Variants in ANKFN1 observed in about 807,000 individuals in gnomAD.
The protein encoded by ANKFN1 is ankyrin repeat and fibronectin type III domain containing 1, also known as ankyrin repeat and fibronectin type-III domain-containing protein 1.
Under a neutral mutation model 108.7 loss-of-function variants are expected in ANKFN1, and 74 were observed. That is an observed-to-expected ratio of 0.68 (90% CI 0.56 to 0.83). The LOEUF is 0.83. Ranked by LOEUF, ANKFN1 falls within the 40% of genes least tolerant of loss-of-function variation. ANKFN1 has a pLI of 0.00. For missense variants in ANKFN1, 1,505 were observed against 1,382.3 expected, an observed-to-expected ratio of 1.09 and a Z score of -1.41; for synonymous variants, 547 against 516.2, an observed-to-expected ratio of 1.06 and a Z score of -0.81.
intron 18 of ANKFN1, among the ~76,000 whole-genome samples, chr17:56,483,230 T>C (rs1423927905): frequency 1.3e-5 from 2 of 152,184 alleles, no homozygotes; most frequent in Non-Finnish European, 2.9e-5. Flanking sequence ...CCCACTGAGA[T>C]TGTGAATAGG....
chr17:56,227,625 A>T (rs1188938996), intron 2 of ANKFN1, among the ~76,000 whole-genome samples: 1 of 152,126 alleles, frequency 6.6e-6, no homozygotes, highest in Non-Finnish European at 1.5e-5. Context: ...TGTCTCCAAG[A>T]TTGGACCTGG....
At chr17:56,351,448 T>TA (rs11481772) in intron 5 of ANKFN1, among the ~76,000 whole-genome samples, 74,052 of 150,120 alleles carry the variant, frequency 0.49, 18,611 homozygotes, top group Middle Eastern at 0.58. Flanking sequence ...GGGAAAAATA[T>TA]AAAAAAAAAC....
At chr17:56,156,402 T>C (rs533308777) in intron 1 of ANKFN1, 2 of 152,296 alleles carry the variant, frequency 1.3e-5, no homozygotes, top group East Asian at 3.9e-4. Flanking sequence ...TCCTCACCTC[T>C]TAAAGAGGGA....
chr17:56,125,982 C>G (rs1202801519), intron 4 of ANKFN1, among the ~76,000 whole-genome samples: 2 of 152,176 alleles, frequency 1.3e-5, no homozygotes, highest in Non-Finnish European at 2.9e-5. Context: ...AAAAGAAATA[C>G]CGAGTCAAAT....
intron 8 of ANKFN1, among the ~76,000 whole-genome samples, chr17:56,427,161 C>T (rs540979514): frequency 2.6e-5 from 4 of 152,222 alleles, no homozygotes; most frequent in East Asian, 1.9e-4. Context: ...CCTGAGGAAC[C>T]GCTGCTACTT....
intron 1 of ANKFN1, among the ~76,000 whole-genome samples, chr17:56,164,354 G>A (rs755347848): frequency 2.0e-5 from 3 of 152,102 alleles, no homozygotes; most frequent in South Asian, 2.1e-4. Flanking sequence ...TCCTCAACAC[G>A]CCATAGTTCG....
At chr17:56,125,459 A>T (rs1242717821) in intron 4 of ANKFN1, among the ~76,000 whole-genome samples, 2 of 152,246 alleles carry the variant, frequency 1.3e-5, no homozygotes, top group East Asian at 3.8e-4. Context: ...AAGAAATGAG[A>T]TTGATCTCTC....
rs1474226231 is a variant in ANKFN1, at chr17:56,119,332, T to G, written c.288+73007T>G. 2.0e-5 allele frequency among the ~76,000 whole-genome samples: 3 copies of G among 152,082 alleles called. No individual in the cohort carries two copies. The East Asian group carries it at 5.8e-4, about 29-fold the overall frequency. On this transcript the variant is annotated intron_variant, in intron 4 of 12. Transcript: ENST00000635860. Reference sequence around the variant, plus strand: ...TCCTGAAGTCAGAAGAAAAGTGTATTTCCTGGAAAAGAGCCATCAACAGTT... The same window carrying G: ...TCCTGAAGTCAGAAGAAAAGTGTATGTCCTGGAAAAGAGCCATCAACAGTT...
At chr17:56,462,250 T>A (rs1288299742) in intron 14 of ANKFN1, 3 of 152,152 alleles carry the variant, frequency 2.0e-5, no homozygotes, top group Admixed American at 2.0e-4. Flanking sequence ...AAAAAGAAAT[T>A]TGAGGATTGA....
chr17:56,226,257 C>G (rs1916260996), intron 2 of ANKFN1, among the ~76,000 whole-genome samples: 1 of 152,152 alleles, frequency 6.6e-6, no homozygotes, highest in Non-Finnish European at 1.5e-5. Context: ...GTTAGTGACA[C>G]ATGTGAGATC....
intron 4 of ANKFN1, among the ~76,000 whole-genome samples, chr17:56,096,510 A>G (rs1905537797): frequency 6.6e-6 from 1 of 152,214 alleles, no homozygotes; most frequent in African/African-American, 2.4e-5. Context: ...TATGTTTGGT[A>G]GTAAATCTTT....
At chr17:56,085,738 G>T (rs1199910838) in intron 4 of ANKFN1, among the ~76,000 whole-genome samples, 1 of 151,318 alleles carries the variant, frequency 6.6e-6, no homozygotes, top group Non-Finnish European at 1.5e-5. Flanking sequence ...GCTCCCTGCT[G>T]AGGGTACAAT....
At chr17:56,224,345 T>G (rs1004636169) in intron 2 of ANKFN1, among the ~76,000 whole-genome samples, 2 of 152,090 alleles carry the variant, frequency 1.3e-5, no homozygotes, top group African/African-American at 4.8e-5. Flanking sequence ...TAAGTAAAAT[T>G]AACATAAAAT....
At chr17:56,089,689 A>G (rs1462680629) in intron 4 of ANKFN1, among the ~76,000 whole-genome samples, 6 of 151,358 alleles carry the variant, frequency 4.0e-5, no homozygotes, top group Non-Finnish European at 8.9e-5. Flanking sequence ...CAAAGACAGG[A>G]AGAAGAACCA....
intron 6 of ANKFN1, among the ~76,000 whole-genome samples, chr17:56,369,517 C>T (rs532983653): frequency 6.6e-6 from 1 of 152,232 alleles, no homozygotes; most frequent in Non-Finnish European, 1.5e-5. Flanking sequence ...ACTATCACAC[C>T]ATTACTCAAG....
chr17:56,309,132 T>A (rs1195202611), intron 3 of ANKFN1, among the ~76,000 whole-genome samples: 1 of 152,220 alleles, frequency 6.6e-6, no homozygotes, highest in East Asian at 1.9e-4. Context: ...ATTCTTTAAT[T>A]CTTTTTGGAA....
chr17:56,391,293 A>G (rs1239460095), intron 8 of ANKFN1, among the ~76,000 whole-genome samples: 11 of 145,560 alleles, frequency 7.6e-5, no homozygotes, highest in Non-Finnish European at 1.5e-4. Flanking sequence ...ATATGTACAC[A>G]CACACACAGT....
intron 1 of ANKFN1, among the ~76,000 whole-genome samples, chr17:56,204,453 G>A (rs1042884315): frequency 6.6e-6 from 1 of 151,904 alleles, no homozygotes; most frequent in Non-Finnish European, 1.5e-5. Context: ...TAATTCTCCT[G>A]TCTCAGCCTC....
chr17:56,310,612 A>G (rs2044990593), intron 3 of ANKFN1, among the ~76,000 whole-genome samples: 1 of 144,304 alleles, frequency 6.9e-6, no homozygotes, highest in South Asian at 2.2e-4. Flanking sequence ...GTGAGACTCC[A>G]TCTCAAAAAA....
Sources: gnomAD v4.1 joint callset for allele counts (sites outside exome capture counted in the v4.1 genomes callset) on GRCh38, gnomAD v4.1.1 for gene constraint, MANE v1.5 for transcripts, NCBI Gene and HGNC (gene_info 2026-07-23, HGNC 2026-07-21) for gene names.